The following IQGAP1 variants were observed in gnomAD, a reference collection of about 807,000 sequenced individuals.
IQGAP1 encodes the protein ras GTPase-activating-like protein IQGAP1.
Under a neutral mutation model 215.6 loss-of-function variants are expected in IQGAP1, and 66 were observed. The ratio of observed to expected loss-of-function variants is 0.31; its 90% CI spans 0.25 to 0.38. The LOEUF is 0.38. Among genes scored for constraint, IQGAP1 ranks in the 10% least tolerant of loss-of-function variants. The probability of loss-of-function intolerance (pLI) is 1.00; values close to 1 mark genes in which losing one functional copy is unlikely to be tolerated. For synonymous variants in IQGAP1, 772 were observed against 728.7 expected, an observed-to-expected ratio of 1.06 and a Z score of -0.96; for missense variants, 1,712 against 1,997.1, an observed-to-expected ratio of 0.86 and a Z score of 2.72.
chr15:90,486,556 G>GTT, intron 31 of IQGAP1: 1 of 164,652 alleles, frequency 6.1e-6, no homozygotes, highest in South Asian at 1.1e-4. Flanking sequence ...ATCCTCCTGA[G>GTT]TTGTTTTTTT....
intron 2 of IQGAP1, among the ~76,000 whole-genome samples, chr15:90,423,076 T>C (rs76173800): frequency 1.0e-3 from 150 of 147,142 alleles, no homozygotes; most frequent in African/African-American, 3.6e-3. Context: ...TCAGGTTTTC[T>C]GATTCTGTGA....
At chr15:90,442,143 C>G (rs117897970) in intron 8 of IQGAP1, among the ~76,000 whole-genome samples, 4 of 152,212 alleles carry the variant, frequency 2.6e-5, no homozygotes, top group South Asian at 2.1e-4. Context: ...TTCCCAGATT[C>G]TCTGGGGTAA....
chr15:90,421,455 A>C (rs550279133), intron 2 of IQGAP1, among the ~76,000 whole-genome samples: 67 of 151,304 alleles, frequency 4.4e-4, no homozygotes, highest in Non-Finnish European at 6.0e-4. Flanking sequence ...CAGCCTGGGC[A>C]ACAGAGCGAG....
intron 9 of IQGAP1, among the ~76,000 whole-genome samples, chr15:90,446,520 A>G (rs192425258): frequency 6.6e-6 from 1 of 152,180 alleles, no homozygotes; most frequent in Non-Finnish European, 1.5e-5. Context: ...TTCAGTGTAC[A>G]TGGATCTTCA....
At chr15:90,426,951 C>G (rs1040917272) in intron 3 of IQGAP1, among the ~76,000 whole-genome samples, 1 of 121,288 alleles carries the variant, frequency 8.2e-6, no homozygotes, top group Admixed American at 8.1e-5. Context: ...GAGACTCCAT[C>G]TCAAAAAAAA....
chr15:90,458,582 A>G (rs1965719096), intron 15 of IQGAP1, among the ~76,000 whole-genome samples: 1 of 152,242 alleles, frequency 6.6e-6, no homozygotes. Flanking sequence ...CTGAATCAGT[A>G]GAATTAGACT....
At chr15:90,388,998 C>T (rs1270816090) in intron 1 of IQGAP1, among the ~76,000 whole-genome samples, 4 of 151,922 alleles carry the variant, frequency 2.6e-5, no homozygotes, top group Non-Finnish European at 5.9e-5. Flanking sequence ...CTGTTGTCGG[C>T]CCTGGACGTC....
At chr15:90,456,358 G>C in intron 15 of IQGAP1, 43 bp downstream of exon 15, 1 of 1,597,946 alleles carries the variant, frequency 6.3e-7, no homozygotes. Flanking sequence ...GAGCACCTCA[G>C]CCCTCCTAGA....
chr15:90,475,654 G>A (rs1211377404), intron 23 of IQGAP1: 1 of 151,068 alleles, frequency 6.6e-6, no homozygotes, highest in South Asian at 2.1e-4. Context: ...TCAGGAGGCT[G>A]AGGTGGAAGA....
intron 23 of IQGAP1, 123 bp downstream of exon 23, chr15:90,474,816 CT>C (rs539841859): frequency 0.056 from 25,218 of 447,396 alleles, 38 homozygotes; most frequent in South Asian, 0.065. Context: ...GCCATAAGAG[CT>C]TTTTTTTTTT....
chr15:90,457,594 A>AT (rs1360876907), intron 15 of IQGAP1, among the ~76,000 whole-genome samples: 19 of 109,732 alleles, frequency 1.7e-4, no homozygotes, highest in Non-Finnish European at 2.8e-4. Context: ...GCCTGGCTAA[A>AT]ATTTTTTTTT....
chr15:90,449,198 G>A (rs1229873258), intron 10 of IQGAP1, among the ~76,000 whole-genome samples: 1 of 151,862 alleles, frequency 6.6e-6, no homozygotes, highest in Non-Finnish European at 1.5e-5. Context: ...AACATGAGGG[G>A]CTTTCTTTTT....
intron 19 of IQGAP1, chr15:90,473,474 T>C: frequency 4.0e-6 from 2 of 499,846 alleles, no homozygotes; most frequent in South Asian, 2.1e-5. Flanking sequence ...TGAATCTGTA[T>C]GGCTGCACTG....
chr15:90,388,378 G>T lies in IQGAP1; in HGVS notation c.37G>T (p.Ala13Ser), dbSNP rs202011081. The change falls in exon 1 of 38, where the codon GCC becomes TCC. Residue 13 changes from alanine to serine, a missense_variant. By Grantham distance (99) the Ala-to-Ser change is moderately conservative (BLOSUM62 1). Coordinates refer to ENST00000268182, the MANE Select transcript of IQGAP1 (RefSeq NM_003870.4). ...AADEVDGLGV[A>S]RPHYGSVLDN... ...AGACGAGGTTGACGGGCTGGGCGTG[G>T]CCCGGCCGCACTATGGCTGTGAGTG... is the stretch of plus-strand genomic sequence containing the variant. The T allele has an allele frequency of 7.5e-5, 120 of 1,590,484 alleles. No homozygotes were observed. In the East Asian group the frequency reaches 2.8e-3, roughly 37 times the overall value.
intron 18 of IQGAP1, among the ~76,000 whole-genome samples, chr15:90,467,915 TCTAA>T (rs1268945934): frequency 6.6e-6 from 1 of 152,232 alleles, no homozygotes; most frequent in Non-Finnish European, 1.5e-5. Flanking sequence ...CAGTCTCTCT[TCTAA>T]CTGTTCCACA....
At chr15:90,426,519 T>C (rs928923779) in intron 3 of IQGAP1, among the ~76,000 whole-genome samples, 3 of 139,124 alleles carry the variant, frequency 2.2e-5, no homozygotes, top group Non-Finnish European at 4.7e-5. Flanking sequence ...CAAAAAAATA[T>C]GTACTAGGAA....
chr15:90,411,822 T>C (rs1964970338), intron 2 of IQGAP1, among the ~76,000 whole-genome samples: 1 of 152,226 alleles, frequency 6.6e-6, no homozygotes, highest in South Asian at 2.1e-4. Context: ...GATAGACAGC[T>C]GACCATGGTA....
At chr15:90,470,181 T>C (rs1596282655) in intron 18 of IQGAP1, among the ~76,000 whole-genome samples, 1 of 152,192 alleles carries the variant, frequency 6.6e-6, no homozygotes, top group Admixed American at 6.5e-5. Flanking sequence ...CGATCACATA[T>C]AGATCCTCCC....
intron 37 of IQGAP1, 129 bp downstream of exon 37, chr15:90,497,469 G>A (rs570466887): frequency 1.2e-5 from 7 of 591,136 alleles, no homozygotes; most frequent in African/African-American, 1.1e-4. Context: ...GCTCCACACT[G>A]CGGGGAAAGA....
Sources: gnomAD v4.1 joint callset for allele counts (sites outside exome capture counted in the v4.1 genomes callset) on GRCh38, gnomAD v4.1.1 for gene constraint, MANE v1.5 for transcripts, NCBI Gene and HGNC (gene_info 2026-07-23, HGNC 2026-07-21) for gene names.